The following RYR2 variants were observed in gnomAD, a reference collection of about 807,000 sequenced individuals.
RYR2 encodes the protein cardiac muscle ryanodine receptor-calcium release channel.
In RYR2, 227 loss-of-function variants were observed where a neutral mutation model predicts 601.1. The observed-to-expected ratio is 0.38, with a 90% CI of 0.34 to 0.42. The LOEUF is 0.42. RYR2 is among the 10% of genes least tolerant of loss of function. The probability of loss-of-function intolerance (pLI) is 1.00; values close to 1 mark genes in which losing one functional copy is unlikely to be tolerated. For synonymous variants in RYR2, 2,223 were observed against 2,175.1 expected, an observed-to-expected ratio of 1.02 and a Z score of -0.61; for missense variants, 4,646 against 6,156.5, an observed-to-expected ratio of 0.75 and a Z score of 8.21.
intron 27 of RYR2, among the ~76,000 whole-genome samples, chr1:237,565,878 A>C (rs913299546): frequency 2.0e-5 from 3 of 151,970 alleles, no homozygotes; most frequent in African/African-American, 7.3e-5. Flanking sequence ...TTTCCTAGGG[A>C]TACTTTTCCC....
intron 16 of RYR2, among the ~76,000 whole-genome samples, chr1:237,462,297 G>A (rs1384999461): frequency 6.6e-6 from 1 of 152,112 alleles, no homozygotes; most frequent in Non-Finnish European, 1.5e-5. Context: ...AAGAAGGTGG[G>A]AATAAGAATC....
intron 3 of RYR2, among the ~76,000 whole-genome samples, chr1:237,349,302 A>C (rs1292508411): frequency 6.6e-6 from 1 of 152,174 alleles, no homozygotes; most frequent in Non-Finnish European, 1.5e-5. Flanking sequence ...TGATATCTTT[A>C]ATGTTGTGAG....
At chr1:237,208,466 A>G (rs1682058774) in intron 1 of RYR2, among the ~76,000 whole-genome samples, 1 of 152,198 alleles carries the variant, frequency 6.6e-6, no homozygotes, top group South Asian at 2.1e-4. Flanking sequence ...GTTGAACTAG[A>G]AGTGCTGAGC....
At chr1:237,243,804 T>A (rs770910765) in intron 1 of RYR2, among the ~76,000 whole-genome samples, 2 of 152,128 alleles carry the variant, frequency 1.3e-5, no homozygotes, top group African/African-American at 4.8e-5. Context: ...CAATAGGAGT[T>A]ATGAGCCAGG....
At position 237,784,116 on chromosome 1, in the gene RYR2, G is replaced by A. The variant is rs764202302; in HGVS notation, c.12404G>A (p.Arg4135His). ...AATTATTTCCAGCCCTTTCTGGGCC[G>A]CATCGAAATCATGGGAAGCGCCAAA... is the stretch of plus-strand genomic sequence containing the variant. ...VLNYFQPFLGRIEIMGSAKRI... is the reference protein window; with the variant it reads ...VLNYFQPFLGHIEIMGSAKRI... The change falls in exon 90 of 105, where the codon CGC becomes CAC. Residue 4135 changes from arginine to histidine, a missense_variant. Around this residue, in one of 17 missense-constraint regions of RYR2, gnomAD observed 70 missense variants for 164.6 expected, o/e 0.43. Transcript: ENST00000366574. The surrounding 1 kb of genome is among the most constrained non-coding windows in gnomAD (Gnocchi z 7.1). 25 of 1,613,828 alleles carry A rather than the reference G, an allele frequency of 1.5e-5. No individual in the cohort carries two copies. The highest frequency in any genetic ancestry group is 7.6e-6 in the Non-Finnish European group (9 of 1,179,882).
chr1:237,061,333 C>G (rs944125202), intron 1 of RYR2, among the ~76,000 whole-genome samples: 1 of 145,138 alleles, frequency 6.9e-6, no homozygotes, highest in African/African-American at 2.5e-5. Flanking sequence ...CTAATCATCT[C>G]TCTAGACAGA....
chr1:237,436,628 A>G (rs990489700), intron 12 of RYR2, among the ~76,000 whole-genome samples: 2 of 151,348 alleles, frequency 1.3e-5, no homozygotes, highest in African/African-American at 4.9e-5. Flanking sequence ...AAATAAAAAA[A>G]TTCTTTTGAC....
chr1:237,291,673 G>A (rs1052370834), intron 2 of RYR2, among the ~76,000 whole-genome samples: 1 of 152,144 alleles, frequency 6.6e-6, no homozygotes, highest in African/African-American at 2.4e-5. Context: ...AGTGAAAGAA[G>A]CCAATCTGAA....
At chr1:237,805,850 G>A (rs551820358) in intron 98 of RYR2, among the ~76,000 whole-genome samples, 21 of 152,036 alleles carry the variant, frequency 1.4e-4, no homozygotes, top group African/African-American at 4.1e-4. Context: ...GTGACCTGCC[G>A]TCATCCTACA....
At chr1:237,827,868 C>A (rs1257631118) in intron 101 of RYR2, among the ~76,000 whole-genome samples, 3 of 121,004 alleles carry the variant, frequency 2.5e-5, no homozygotes, top group Non-Finnish European at 4.8e-5. Context: ...ACCCGGGAGG[C>A]GGAGCTTGCA....
chr1:237,755,392 G>A (rs1692867108), intron 80 of RYR2, among the ~76,000 whole-genome samples: 1 of 152,116 alleles, frequency 6.6e-6, no homozygotes, highest in South Asian at 2.1e-4. Flanking sequence ...TGTGTTTATG[G>A]ACATGATACT....
intron 17 of RYR2, among the ~76,000 whole-genome samples, chr1:237,478,486 G>A (rs953668089): frequency 1.3e-5 from 2 of 152,158 alleles, no homozygotes; most frequent in African/African-American, 4.8e-5. Context: ...TTTAGCAGTT[G>A]TTGGTAGCTA....
intron 40 of RYR2, among the ~76,000 whole-genome samples, chr1:237,627,183 T>C (rs1395756591): frequency 6.6e-6 from 1 of 152,254 alleles, no homozygotes; most frequent in Non-Finnish European, 1.5e-5. Context: ...TTTCTATTGC[T>C]TTTACATTTA....
chr1:237,045,034 A>C (rs1309034811), intron 1 of RYR2, among the ~76,000 whole-genome samples: 1 of 151,896 alleles, frequency 6.6e-6, no homozygotes, highest in Non-Finnish European at 1.5e-5. Flanking sequence ...TGTAGATGGA[A>C]GAATTCTTGA....
At chr1:237,092,949 C>T (rs1440330233) in intron 1 of RYR2, among the ~76,000 whole-genome samples, 1 of 152,172 alleles carries the variant, frequency 6.6e-6, no homozygotes, top group Non-Finnish European at 1.5e-5. Flanking sequence ...CCTCACTTTG[C>T]TGAGGCCGGA....
At chr1:237,560,188 T>G (rs1271101812) in intron 27 of RYR2, among the ~76,000 whole-genome samples, 1 of 152,252 alleles carries the variant, frequency 6.6e-6, no homozygotes, top group Non-Finnish European at 1.5e-5. Context: ...CAGGAATATG[T>G]TGGAGCTTCT....
chr1:237,660,973 C>A, intron 56 of RYR2, 26 bp downstream of exon 56: 1 of 1,342,090 alleles, frequency 7.5e-7, no homozygotes, highest in South Asian at 2.2e-5. Context: ...GGTGATGAAT[C>A]AACTGTTTAT....
intron 80 of RYR2, among the ~76,000 whole-genome samples, chr1:237,753,596 G>C (rs981310981): frequency 1.3e-5 from 2 of 152,170 alleles, no homozygotes; most frequent in African/African-American, 4.8e-5. Context: ...TTGGCAATCA[G>C]AATGTTTTGC....
intron 20 of RYR2, among the ~76,000 whole-genome samples, chr1:237,498,657 T>C (rs887544329): frequency 6.6e-6 from 1 of 152,230 alleles, no homozygotes; most frequent in Non-Finnish European, 1.5e-5. Context: ...TATTTTTGTT[T>C]TGTATTCAAT....
Sources: gnomAD v4.1 joint callset for allele counts (sites outside exome capture counted in the v4.1 genomes callset) on GRCh38, gnomAD v4.1.1 for gene constraint, gnomAD v4.1.1 regional missense constraint, Gnocchi (gnomAD v3.1) non-coding constraint, MANE v1.5 for transcripts, NCBI Gene and HGNC (gene_info 2026-07-23, HGNC 2026-07-21) for gene names.